LRRIQ1: variants seen among roughly 807,000 people sequenced by gnomAD.
LRRIQ1 encodes the protein leucine rich repeats and IQ motif containing 1.
Under a neutral mutation model 211.9 loss-of-function variants are expected in LRRIQ1, and 210 were observed. That is an observed-to-expected ratio of 0.99 (90% CI 0.89 to 1.11). The LOEUF (loss-of-function observed/expected upper bound fraction) is 1.11. LRRIQ1 is among the 50% of genes most tolerant of loss of function. The pLI is 0.00. For synonymous variants in LRRIQ1, 699 were observed against 650.1 expected (o/e 1.08, Z -1.14); for missense variants, 2,136 against 1,939.5 (o/e 1.10, Z -1.90).
intron 24 of LRRIQ1, among the ~76,000 whole-genome samples, chr12:85,163,345 AT>A (rs34981985): frequency 0.24 from 36,294 of 152,010 alleles, 4,911 homozygotes; most frequent in African/African-American, 0.34. Flanking sequence ...TGGGCATCTG[AT>A]GCCCCCCAGA....
chr12:85,155,758 A>G (rs976233035), intron 23 of LRRIQ1, among the ~76,000 whole-genome samples: 1 of 151,758 alleles, frequency 6.6e-6, no homozygotes, highest in African/African-American at 2.4e-5. Context: ...TTAGCTTGTC[A>G]GACTTCCCAT....
Position 85,124,124 on chromosome 12 carries a change from G to A in LRRIQ1, c.3612G>A (p.Leu1204=). ...ATCTCTGTCATTATTTTAAGAAATT[G>A]ATGATACTTAGTACTGAATACCGAC... ...AENLCHYFKK[L]MILSTEYRHA... Residue 1204 remains leucine, a synonymous_variant, in exon 17 of 27, where the codon TTG becomes TTA. Transcript: ENST00000393217. 1 of 1,613,868 alleles carries A rather than the reference G, an allele frequency of 6.2e-7. No homozygotes were observed. Among genetic ancestry groups the A allele is most frequent in the Non-Finnish European group, 8.5e-7 (1 of 1,179,868 alleles).
intron 24 of LRRIQ1, among the ~76,000 whole-genome samples, chr12:85,207,276 C>G (rs892721434): frequency 1.3e-5 from 2 of 151,960 alleles, no homozygotes; most frequent in Non-Finnish European, 2.9e-5. Context: ...TGCCTTCCTT[C>G]CAAAGATGTG....
At chr12:85,258,247 T>A (rs1896181347) in intron 1 of LRRIQ1, among the ~76,000 whole-genome samples, 1 of 151,898 alleles carries the variant, frequency 6.6e-6, no homozygotes, top group Non-Finnish European at 1.5e-5. Context: ...GATATTTTTG[T>A]GACTATCAAG....
intron 24 of LRRIQ1, among the ~76,000 whole-genome samples, chr12:85,223,237 C>T (rs1055995995): frequency 1.3e-5 from 2 of 152,058 alleles, no homozygotes; most frequent in African/African-American, 4.8e-5. Context: ...TGACTGTTGT[C>T]AGAAGCTAGC....
intron 1 of LRRIQ1, among the ~76,000 whole-genome samples, chr12:85,261,756 TTTTG>T (rs1273340222): frequency 7.1e-6 from 1 of 141,472 alleles, no homozygotes; most frequent in Non-Finnish European, 1.5e-5. Context: ...ATTTTTATTT[TTTTG>T]TTTATTTTAT....
the LRRIQ1 span, among the ~76,000 whole-genome samples, chr12:85,272,754 A>G: frequency 6.6e-6 from 1 of 152,156 alleles, no homozygotes; most frequent in Non-Finnish European, 1.5e-5. Context: ...TTAGGATTTT[A>G]TAACGAGGGT....
At chr12:85,113,613 G>C (rs1286690044) in intron 15 of LRRIQ1, among the ~76,000 whole-genome samples, 1 of 151,992 alleles carries the variant, frequency 6.6e-6, no homozygotes, top group East Asian at 1.9e-4. Flanking sequence ...TTGAGAAATT[G>C]CGTGTTTCTG....
chr12:85,244,752 T>C (rs1299979134), intron 26 of LRRIQ1, 37 bp from the exon 27 acceptor site: 1 of 1,581,356 alleles, frequency 6.3e-7, no homozygotes, highest in African/African-American at 1.4e-5. Flanking sequence ...CCATATTTTG[T>C]TTCATGATTG....
chr12:85,257,197 A>ATATTATATATTATATTATATATAT (rs71076120), intron 1 of LRRIQ1, among the ~76,000 whole-genome samples: 1 of 116,466 alleles, frequency 8.6e-6, no homozygotes, highest in African/African-American at 3.2e-5. Flanking sequence ...TATATTATAT[A>ATATTATATATTATATTATATATAT]AATATATATA....
chr12:85,054,641 A>G (rs901619569), intron 7 of LRRIQ1, among the ~76,000 whole-genome samples: 4 of 151,900 alleles, frequency 2.6e-5, no homozygotes, highest in African/African-American at 4.8e-5. Flanking sequence ...TGGGGAAAAC[A>G]TCTCATTTTG....
At chr12:85,204,959 C>T (rs894326102) in intron 24 of LRRIQ1, among the ~76,000 whole-genome samples, 52 of 152,196 alleles carry the variant, frequency 3.4e-4, no homozygotes, top group African/African-American at 1.2e-3. Flanking sequence ...TCTGTGTCCC[C>T]GCCCAAATCT....
intron 19 of LRRIQ1, among the ~76,000 whole-genome samples, chr12:85,149,140 A>G (rs556150750): frequency 6.6e-6 from 1 of 152,098 alleles, no homozygotes; most frequent in Non-Finnish European, 1.5e-5. Context: ...GCTGAGCAGA[A>G]GCTCTTTAAT....
intron 15 of LRRIQ1, among the ~76,000 whole-genome samples, chr12:85,118,696 T>A (rs997390797): frequency 6.6e-6 from 1 of 152,126 alleles, no homozygotes; most frequent in Non-Finnish European, 1.5e-5. Context: ...GCTAAAATTA[T>A]ATTTCATAAC....
At chr12:85,135,899 G>A (rs182452407) in intron 18 of LRRIQ1, among the ~76,000 whole-genome samples, 1 of 151,838 alleles carries the variant, frequency 6.6e-6, no homozygotes, top group Admixed American at 6.6e-5. Flanking sequence ...ACCCCATCTG[G>A]ATTTTAGAAA....
At chr12:85,233,109 T>G in intron 26 of LRRIQ1, 1 of 219,978 alleles carries the variant, frequency 4.5e-6, no homozygotes, top group Non-Finnish European at 8.9e-6. Context: ...AGCACCCTCA[T>G]TACTCAGAAA....
chr12:85,118,145 G>A lies in LRRIQ1; in HGVS notation c.3378-3552G>A, dbSNP rs112420919. Among the ~76,000 whole-genome samples the A allele has an allele frequency of 5.8e-3, 888 of 152,182 alleles. 10 individuals are homozygous for A. The highest frequency in any genetic ancestry group is 0.01 in the Non-Finnish European group (696 of 67,992). ...ACATAACATTCTGCCTTTGAACCAT[G>A]TCTTAAAATTAATGCAACCAGAAAC... On this transcript the variant is annotated intron_variant, in intron 15 of 26. Coordinates refer to ENST00000393217, the MANE Select transcript of LRRIQ1 (RefSeq NM_001079910.2).
chr12:85,198,059 TATAAC>T (rs1158053091), intron 24 of LRRIQ1, among the ~76,000 whole-genome samples: 11 of 45,948 alleles, frequency 2.4e-4, no homozygotes, highest in African/African-American at 1.2e-3. Flanking sequence ...TATAATTATA[TATAAC>T]ATATTATTTA....
chr12:85,223,355 G>A (rs1412006769), intron 24 of LRRIQ1, among the ~76,000 whole-genome samples: 1 of 152,128 alleles, frequency 6.6e-6, no homozygotes, highest in African/African-American at 2.4e-5. Context: ...AATACTTGAT[G>A]TCTGGTGTCC....
Sources: gnomAD v4.1 joint callset for allele counts (sites outside exome capture counted in the v4.1 genomes callset) on GRCh38, gnomAD v4.1.1 for gene constraint, MANE v1.5 for transcripts, NCBI Gene and HGNC (gene_info 2026-07-23, HGNC 2026-07-21) for gene names.